The following ERICH1 variants were observed in gnomAD, a reference collection of about 807,000 sequenced individuals.
ERICH1 encodes the protein glutamate-rich protein 1.
Under a neutral mutation model 39.6 loss-of-function variants are expected in ERICH1, and 56 were observed. That is an observed-to-expected ratio of 1.41 (90% CI 1.14 to 1.77). The LOEUF is 1.77. ERICH1 is among the 40% of genes most tolerant of loss of function. The pLI, the probability that ERICH1 is intolerant of heterozygous loss-of-function variation, is 0.00. For missense variants in ERICH1, 826 were observed against 575.4 expected (o/e 1.44, Z -4.45); for synonymous variants, 313 against 223.6 (o/e 1.40, Z -3.57).
intron 2 of ERICH1, among the ~76,000 whole-genome samples, chr8:697,923 G>T (rs1022028195): frequency 1.3e-5 from 2 of 152,140 alleles, no homozygotes; most frequent in Non-Finnish European, 2.9e-5. Context: ...TTTGTTGTGG[G>T]GAATGAGGCA....
At position 678,090 on chromosome 8, in the gene ERICH1, T is replaced by C. The variant is rs544445048; in HGVS notation, c.305-4043A>G. 3.3e-3 allele frequency among the ~76,000 whole-genome samples: 507 copies of C among 152,252 alleles called. 7 individuals are homozygous for C. Among genetic ancestry groups the C allele is most frequent in the African/African-American group, 0.012 (481 of 41,532 alleles). ...AAAAGGCCATAAAATGTTAAGTTTG[T>C]CATATTTTTTTCACATAAATGTGTA... On this transcript the variant is annotated intron_variant, in intron 3 of 5. Coordinates refer to ENST00000262109, the MANE Select transcript of ERICH1 (RefSeq NM_207332.3).
intron 3 of ERICH1, among the ~76,000 whole-genome samples, chr8:640,256 A>T (rs1309118857): frequency 2.0e-5 from 3 of 152,098 alleles, no homozygotes; most frequent in African/African-American, 7.2e-5. Context: ...CAAAAATGTT[A>T]ATTCTTTCTA....
chr8:623,416 AATTG>A (rs1244308087), intron 3 of ERICH1, among the ~76,000 whole-genome samples: 1 of 152,240 alleles, frequency 6.6e-6, no homozygotes, highest in Non-Finnish European at 1.5e-5. Flanking sequence ...GTTTATGGTC[AATTG>A]ATTTTCAACA....
At chr8:618,587 C>T (rs1221706072) in intron 3 of ERICH1, among the ~76,000 whole-genome samples, 2 of 152,184 alleles carry the variant, frequency 1.3e-5, no homozygotes, top group African/African-American at 4.8e-5. Context: ...TTTCAGAGAC[C>T]TTGGGCAACA....
At chr8:655,660 ATTCCTTCC>A (rs57152332) in intron 3 of ERICH1, among the ~76,000 whole-genome samples, 51,687 of 142,812 alleles carry the variant, frequency 0.36, 9,528 homozygotes, top group Non-Finnish European at 0.39. Flanking sequence ...TGTCCTCTGC[ATTCCTTCC>A]TTCCTTCCTT....
intron 1 of ERICH1, among the ~76,000 whole-genome samples, chr8:717,840 A>G (rs1428602184): frequency 6.6e-6 from 1 of 152,246 alleles, no homozygotes; most frequent in African/African-American, 2.4e-5. Flanking sequence ...GCAATGCTGC[A>G]GAACGCCTGA....
chr8:637,101 G>T (rs963983898), intron 3 of ERICH1, among the ~76,000 whole-genome samples: 5 of 152,240 alleles, frequency 3.3e-5, no homozygotes, highest in Admixed American at 3.3e-4. Context: ...GAAGGCTAAC[G>T]ACACGTTTCT....
chr8:699,658 G>GAGCACGTACAGACCCACACAC (rs1811235385), intron 2 of ERICH1, among the ~76,000 whole-genome samples: 1 of 151,508 alleles, frequency 6.6e-6, no homozygotes, highest in Non-Finnish European at 1.5e-5. Flanking sequence ...AGCACACACA[G>GAGCACGTACAGACCCACACAC]GAGCACGTAC....
At chr8:688,419 G>C (rs577499014) in intron 3 of ERICH1, among the ~76,000 whole-genome samples, 4 of 130,478 alleles carry the variant, frequency 3.1e-5, no homozygotes, top group African/African-American at 8.7e-5. Flanking sequence ...GCTTCCCTCC[G>C]GCCTTCCTTA....
intron 2 of ERICH1, among the ~76,000 whole-genome samples, chr8:702,797 A>T (rs1285253116): frequency 2.0e-5 from 3 of 152,212 alleles, no homozygotes; most frequent in Non-Finnish European, 4.4e-5. Flanking sequence ...TTGGTGATGG[A>T]CGCAGAGGGG....
At chr8:662,092 G>A (rs895396028), downstream of ERICH1, among the ~76,000 whole-genome samples, 2 of 151,942 alleles carry the variant, frequency 1.3e-5, no homozygotes, top group African/African-American at 4.8e-5. Flanking sequence ...CAGGGATTCT[G>A]TGGAACCTAC....
At chr8:633,510 G>A (rs995509961) in intron 3 of ERICH1, among the ~76,000 whole-genome samples, 7 of 152,124 alleles carry the variant, frequency 4.6e-5, no homozygotes, top group African/African-American at 1.7e-4. Flanking sequence ...GAATCTCAAG[G>A]ATATTTCTCA....
At chr8:712,836 T>C (rs1404686451) in intron 2 of ERICH1, among the ~76,000 whole-genome samples, 1 of 152,262 alleles carries the variant, frequency 6.6e-6, no homozygotes, top group Non-Finnish European at 1.5e-5. Flanking sequence ...TTTTTGTTGC[T>C]TCTTTCAGAT....
intron 2 of ERICH1, among the ~76,000 whole-genome samples, chr8:697,723 G>A (rs865814807): frequency 1.4e-5 from 2 of 144,780 alleles, no homozygotes; most frequent in Admixed American, 6.8e-5. Flanking sequence ...CCACACAGGC[G>A]CCCCTCTCAA....
chr8:683,752 C>T (rs536422697), intron 3 of ERICH1, among the ~76,000 whole-genome samples: 34 of 152,260 alleles, frequency 2.2e-4, no homozygotes, highest in African/African-American at 7.7e-4. Context: ...ATTTGGATGC[C>T]GGGCGGTGAT....
intron 1 of ERICH1, among the ~76,000 whole-genome samples, chr8:722,578 C>G (rs1817577745): frequency 6.6e-6 from 1 of 152,226 alleles, no homozygotes; most frequent in Non-Finnish European, 1.5e-5. Flanking sequence ...GGAAGTGAAC[C>G]TATTCAATTC....
chr8:654,962 C>T (rs1800435529), intron 3 of ERICH1, among the ~76,000 whole-genome samples: 1 of 152,252 alleles, frequency 6.6e-6, no homozygotes, highest in African/African-American at 2.4e-5. Context: ...GGCTGGACGC[C>T]AGCCCCCTGG....
chr8:670,494 C>T (rs5019116), intron 4 of ERICH1, among the ~76,000 whole-genome samples: 18,700 of 152,164 alleles, frequency 0.12, 1,497 homozygotes, highest in East Asian at 0.37. Flanking sequence ...AGGGGGATCC[C>T]CTGGACCGTG....
chr8:671,140 C>T (rs1271901187), intron 4 of ERICH1, among the ~76,000 whole-genome samples: 1 of 150,510 alleles, frequency 6.6e-6, no homozygotes, highest in South Asian at 2.1e-4. Context: ...AACGTGCCAG[C>T]CCCGGTTCTA....
Sources: allele counts gnomAD v4.1 joint callset (sites outside exome capture counted in the v4.1 genomes callset), GRCh38; gene constraint gnomAD v4.1.1; transcripts MANE v1.5; gene names NCBI Gene and HGNC (gene_info 2026-07-23, HGNC 2026-07-21).